Variants in TBK1 observed in about 807,000 individuals in gnomAD.
The protein encoded by TBK1 is TANK binding kinase 1, also known as serine/threonine-protein kinase TBK1.
Under a neutral mutation model 99.9 loss-of-function variants are expected in TBK1, and 37 were observed. The observed-to-expected ratio is 0.37, with a 90% CI of 0.28 to 0.49. The LOEUF is 0.49. TBK1 is among the 20% of genes least tolerant of loss of function. TBK1 has a pLI of 0.98. For synonymous variants in TBK1, 258 were observed against 279.8 expected, an observed-to-expected ratio of 0.92 and a Z score of 0.78; for missense variants, 644 against 872.5, an observed-to-expected ratio of 0.74 and a Z score of 3.30.
intron 5 of TBK1, 27 bp from the exon 6 acceptor site, chr12:64,474,203 A>T (rs1490655384): frequency 1.3e-6 from 2 of 1,585,536 alleles, no homozygotes; most frequent in African/African-American, 1.4e-5. Flanking sequence ...CAGGTTCATG[A>T]TTTTTTTCTT....
chr12:64,465,941 A>T lies in TBK1; in HGVS notation c.359-960A>T, dbSNP rs185708524. On this transcript the variant is annotated intron_variant, in intron 4 of 20. Transcript: ENST00000331710. ...TTATATCTCAGTGAACCTATTTTTT[A>T]AAAAAAATACTGCAATCAAAGGAAA... Among the ~76,000 whole-genome samples, 373 of 152,116 alleles carry T rather than the reference A, an allele frequency of 2.5e-3. 8 individuals carry two copies. The highest frequency in any genetic ancestry group is 0.014 in the Admixed American group (211 of 15,264).
At chr12:64,500,400 A>G (rs1215744026) in intron 20 of TBK1, among the ~76,000 whole-genome samples, 2 of 151,972 alleles carry the variant, frequency 1.3e-5, no homozygotes, top group African/African-American at 4.8e-5. Context: ...TGGCTCCCAT[A>G]TTTCCCCTCG....
At chr12:64,501,053 C>T (rs953655508) in intron 20 of TBK1, among the ~76,000 whole-genome samples, 14 of 152,110 alleles carry the variant, frequency 9.2e-5, no homozygotes, top group South Asian at 4.1e-4. Context: ...GCCACTGCGC[C>T]GGCCCCAATT....
chr12:64,499,129 T>G (rs2040961228), intron 20 of TBK1, among the ~76,000 whole-genome samples: 1 of 136,530 alleles, frequency 7.3e-6, no homozygotes, highest in Non-Finnish European at 1.5e-5. Flanking sequence ...CTGTAACCTC[T>G]GCCTCCCGGG....
At chr12:64,460,161 A>G (rs1306229685) in intron 2 of TBK1, 28 bp from the exon 3 acceptor site, 3 of 1,400,940 alleles carry the variant, frequency 2.1e-6, no homozygotes, top group African/African-American at 2.9e-5. Flanking sequence ...TTATGAATAA[A>G]TAAAACATTT....
At chr12:64,456,392 C>T (rs1420567824) in intron 2 of TBK1, among the ~76,000 whole-genome samples, 2 of 151,962 alleles carry the variant, frequency 1.3e-5, no homozygotes, top group Non-Finnish European at 2.9e-5. Context: ...GGTAAGTGCC[C>T]CTACTAAAAC....
At chr12:64,501,048 T>C (rs1490770363) in intron 20 of TBK1, among the ~76,000 whole-genome samples, 1 of 152,118 alleles carries the variant, frequency 6.6e-6, no homozygotes, top group East Asian at 1.9e-4. Flanking sequence ...CGTGAGCCAC[T>C]GCGCCGGCCC....
At chr12:64,486,083 C>A in intron 11 of TBK1, 66 bp downstream of exon 11, 1 of 1,139,558 alleles carries the variant, frequency 8.8e-7, no homozygotes, top group Non-Finnish European at 1.2e-6. Context: ...TTGATATTTT[C>A]TCTCTTCAAA....
chr12:64,460,111 T>C (rs2040530157), intron 2 of TBK1, 78 bp from the exon 3 acceptor site: 1 of 953,396 alleles, frequency 1.0e-6, no homozygotes, highest in Non-Finnish European at 1.4e-6. Context: ...TAAGTTGCAA[T>C]AGCGAGTTCT....
intron 18 of TBK1, 32 bp from the exon 19 acceptor site, chr12:64,497,616 T>G (rs200603336): frequency 1.6e-4 from 211 of 1,326,676 alleles, no homozygotes; most frequent in South Asian, 3.6e-4. Context: ...ATGTGGGGTT[T>G]TTTTCTTTTT....
At chr12:64,454,776 C>A (rs1430873268) in intron 1 of TBK1, among the ~76,000 whole-genome samples, 5 of 147,814 alleles carry the variant, frequency 3.4e-5, no homozygotes, top group African/African-American at 1.0e-4. Context: ...TCCCGGGTTC[C>A]CGCCATTCTC....
intron 2 of TBK1, among the ~76,000 whole-genome samples, chr12:64,458,747 G>GT (rs1172243556): frequency 3.3e-5 from 5 of 152,108 alleles, no homozygotes. Flanking sequence ...GATTCTCCTA[G>GT]TTTTAGACTG....
Position 64,501,398 on chromosome 12 carries a change from T to A in TBK1, c.*17T>A. On this transcript the variant is annotated 3_prime_UTR_variant, in exon 21 of 21. Coordinates refer to ENST00000331710, the MANE Select transcript of TBK1 (RefSeq NM_013254.4). ...TGTCTTTAGCTTTCTAATAGAAGTT[T>A]AAGAAAAGTTTCCGTTTGCACAAGA... 1.2e-6 allele frequency: 2 copies of A among 1,612,166 alleles called. No individual in the cohort carries two copies. Among genetic ancestry groups the A allele is most frequent in the East Asian group, 4.5e-5 (2 of 44,838 alleles).
intron 4 of TBK1, among the ~76,000 whole-genome samples, chr12:64,465,971 A>G (rs1038502244): frequency 6.6e-6 from 1 of 152,224 alleles, no homozygotes; most frequent in Non-Finnish European, 1.5e-5. Flanking sequence ...AGGAAATAAC[A>G]TCTTAAGAGA....
rs202098873 is a variant in TBK1 at position 64,461,824 on chromosome 12, C to CT, written c.228+1497dup. ...TCACAAAACTGAGGAGAGTGCTATACTTATAATTACAGTTTTATTGTAGCA... is the reference window on the plus strand; with the variant it reads ...TCACAAAACTGAGGAGAGTGCTATACTTTATAATTACAGTTTTATTGTAGCA... On this transcript the variant is annotated intron_variant, in intron 3 of 20. Transcript: ENST00000331710. Among the ~76,000 whole-genome samples the CT allele has an allele frequency of 3.6e-3, 549 of 152,278 alleles. 3 individuals are homozygous for CT. The highest frequency in any genetic ancestry group is 0.013 in the African/African-American group (520 of 41,562).
At position 64,479,050 on chromosome 12, in the gene TBK1, T is replaced by C. The variant is rs139570597; in HGVS notation, c.702-962T>C. On this transcript the variant is annotated intron_variant, in intron 6 of 20. Coordinates refer to ENST00000331710, the MANE Select transcript of TBK1 (RefSeq NM_013254.4). ...AAACTCAACTTTTTATGAACATTGA[T>C]GCTAAAGAATGTTCAGAGGTGATTG... 2.6e-3 allele frequency among the ~76,000 whole-genome samples: 394 copies of C among 152,334 alleles called. 1 individual carries two copies. Among genetic ancestry groups the C allele is most frequent in the Non-Finnish European group, 4.1e-3 (280 of 68,026 alleles).
At chr12:64,500,813 C>A (rs1057041390) in intron 20 of TBK1, among the ~76,000 whole-genome samples, 1 of 135,040 alleles carries the variant, frequency 7.4e-6, no homozygotes, top group African/African-American at 2.7e-5. Context: ...GGCTAGAGTG[C>A]GGTGGCATGA....
In TBK1 at chr12:64,497,195, C is replaced by T. The variant is rs1297925261; in HGVS notation, c.1895C>T (p.Ser632Leu). 11 of 1,599,476 alleles carry T rather than the reference C, an allele frequency of 6.9e-6. No individual in the cohort carries two copies. The highest frequency in any genetic ancestry group is 1.3e-5 in the African/African-American group (1 of 74,638). Residue 632 changes from serine (S) to leucine (L), a missense_variant, in exon 18 of 21, where the codon TCG becomes TTG. Around this residue, in one of 3 missense-constraint regions of TBK1, gnomAD observed 465 missense variants for 588.0 expected, o/e 0.79. Transcript: ENST00000331710. ...CTTCATCTTAGGAAACAGTTATTAT[C>T]GCTGACTAATCAGTGTTTTGATATT... The part of the protein sequence containing the change: ...KMLHLRKQLL[S>L]LTNQCFDIEE...
intron 13 of TBK1, among the ~76,000 whole-genome samples, chr12:64,492,010 G>T (rs1217277300): frequency 6.6e-6 from 1 of 152,178 alleles, no homozygotes; most frequent in Non-Finnish European, 1.5e-5. Context: ...GTTGTGGTCA[G>T]GAAAGTTTGA....
Sources: gnomAD v4.1 joint callset for allele counts (sites outside exome capture counted in the v4.1 genomes callset) on GRCh38, gnomAD v4.1.1 for gene constraint, gnomAD v4.1.1 regional missense constraint, MANE v1.5 for transcripts, NCBI Gene and HGNC (gene_info 2026-07-23, HGNC 2026-07-21) for gene names.